Variants in COL27A1 observed in about 807,000 individuals in gnomAD.
COL27A1 encodes the protein collagen alpha-1(XXVII) chain.
COL27A1 carries 106 observed loss-of-function variants against 251.3 expected under a neutral mutation model. That is an observed-to-expected ratio of 0.42 (90% CI 0.36 to 0.50). The LOEUF is 0.50. Among genes scored for constraint, COL27A1 ranks in the 20% least tolerant of loss-of-function variants. The probability of loss-of-function intolerance (pLI) is 0.00; values close to 1 mark genes in which losing one functional copy is unlikely to be tolerated. For missense variants in COL27A1, 2,325 were observed against 2,522.8 expected, an observed-to-expected ratio of 0.92 and a Z score of 1.68; for synonymous variants, 1,000 against 986.3, an observed-to-expected ratio of 1.01 and a Z score of -0.26.
At chr9:114,283,655 G>A (rs1220901488) in intron 39 of COL27A1, 54 bp from the exon 40 acceptor site, 74 of 1,543,360 alleles carry the variant, frequency 4.8e-5, no homozygotes, top group Non-Finnish European at 1.8e-6. Flanking sequence ...AGACTGCTGT[G>A]TCCCCGCTGT....
At chr9:114,175,217 C>T (rs1446651775) in intron 3 of COL27A1, among the ~76,000 whole-genome samples, 5 of 152,212 alleles carry the variant, frequency 3.3e-5, no homozygotes, top group African/African-American at 1.2e-4. Context: ...CCTCCACCTC[C>T]CCCAGGCAGG....
chr9:114,300,523 C>T, intron 50 of COL27A1, 102 bp from the exon 51 acceptor site: 1 of 922,024 alleles, frequency 1.1e-6, no homozygotes, highest in East Asian at 2.8e-5. Flanking sequence ...CCTCTCTTGA[C>T]AAGAAGGGCA....
At chr9:114,278,451 ACT>A (rs1564562735) in intron 37 of COL27A1, among the ~76,000 whole-genome samples, 4 of 4,710 alleles carry the variant, frequency 8.5e-4, no homozygotes, top group Non-Finnish European at 2.6e-3. Flanking sequence ...ATGATGGGGC[ACT>A]GATGATGGTG....
At chr9:114,211,525 G>A (rs1325226712) in intron 12 of COL27A1, among the ~76,000 whole-genome samples, 1 of 152,252 alleles carries the variant, frequency 6.6e-6, no homozygotes, top group African/African-American at 2.4e-5. Context: ...GGGCTCAGCG[G>A]TGACCCCCAA....
chr9:114,237,148 T>C, intron 18 of COL27A1, 114 bp downstream of exon 18: 1 of 1,036,280 alleles, frequency 9.6e-7, no homozygotes. Flanking sequence ...GCAGAGCTCC[T>C]GGGGGCAAGC....
intron 36 of COL27A1, chr9:114,271,938 AGCGAGAGCACCCCCTGTCTGTCATCT>A (rs1247636177): frequency 6.6e-6 from 1 of 151,938 alleles, no homozygotes; most frequent in Non-Finnish European, 1.5e-5. Context: ...TTCTTGCAAG[AGCGAGAGCACCCCCTGTCTGTCATCT>A]GCCTGACTCC....
At chr9:114,190,815 G>C (rs930522767) in intron 5 of COL27A1, among the ~76,000 whole-genome samples, 1 of 152,228 alleles carries the variant, frequency 6.6e-6, no homozygotes, top group African/African-American at 2.4e-5. Context: ...CTTGCTCAAG[G>C]TCACACAGGC....
intron 36 of COL27A1, chr9:114,273,676 A>T (rs1835298759): frequency 6.6e-6 from 1 of 152,102 alleles, no homozygotes; most frequent in Non-Finnish European, 1.5e-5. Context: ...GCACTGGGGG[A>T]CAGAACTGGT....
At chr9:114,200,457 A>G (rs2135273784) in intron 7 of COL27A1, among the ~76,000 whole-genome samples, 1 of 152,352 alleles carries the variant, frequency 6.6e-6, no homozygotes, top group Non-Finnish European at 1.5e-5. Flanking sequence ...GCCTAACACA[A>G]GGTCTTGGTC....
chr9:114,231,271 G>A (rs960851369), intron 15 of COL27A1, 139 bp downstream of exon 15: 7 of 792,586 alleles, frequency 8.8e-6, no homozygotes, highest in Admixed American at 2.3e-5. Flanking sequence ...GTGCTAGGAG[G>A]AAGCTGGGCA....
chr9:114,287,839 G>GAA (rs1161628940), intron 41 of COL27A1, among the ~76,000 whole-genome samples: 4 of 152,190 alleles, frequency 2.6e-5, no homozygotes, highest in East Asian at 1.9e-4. Context: ...GGTTGAGGGT[G>GAA]AAAACTCTGA....
intron 23 of COL27A1, among the ~76,000 whole-genome samples, chr9:114,243,887 G>T (rs1038856589): frequency 6.6e-6 from 1 of 150,672 alleles, no homozygotes; most frequent in Admixed American, 6.6e-5. Context: ...TGAGCCTGTG[G>T]CAGGGGCTGG....
intron 21 of COL27A1, among the ~76,000 whole-genome samples, chr9:114,241,501 T>G (rs1246769312): frequency 6.6e-6 from 1 of 152,174 alleles, no homozygotes; most frequent in Admixed American, 6.5e-5. Flanking sequence ...GGAGGCTGCC[T>G]GAGCCTGTGG....
intron 38 of COL27A1, 56 bp downstream of exon 38, chr9:114,282,386 C>T: frequency 6.2e-7 from 1 of 1,609,894 alleles, no homozygotes; most frequent in Non-Finnish European, 8.5e-7. Context: ...ATCCCTTCCC[C>T]ACATCCCTCC....
At chr9:114,176,634 C>T (rs1827468924) in intron 3 of COL27A1, among the ~76,000 whole-genome samples, 1 of 152,082 alleles carries the variant, frequency 6.6e-6, no homozygotes, top group South Asian at 2.1e-4. Context: ...GTAAGACTGG[C>T]ACCCAGAGTC....
In COL27A1 at chr9:114,244,764, T is replaced by G. The variant is rs143613647; in HGVS notation, c.2935-1102T>G. ...TAGCCCGAGCCCATGTCCTGCCGTC[T>G]GAGGTTTCGGCCTCTCTCCCTCAGA... On this transcript the variant is annotated intron_variant, in intron 23 of 60. Transcript: ENST00000356083. Among the ~76,000 whole-genome samples, 37 of 152,336 alleles carry G rather than the reference T, an allele frequency of 2.4e-4. 1 individual carries two copies. The East Asian group carries it at 6.9e-3, about 29-fold the overall frequency.
intron 7 of COL27A1, among the ~76,000 whole-genome samples, chr9:114,197,479 C>T (rs1829229250): frequency 6.6e-6 from 1 of 152,204 alleles, no homozygotes; most frequent in African/African-American, 2.4e-5. Context: ...TCTCTGGGCT[C>T]TAGCGCTTTC....
rs777285842 is a variant in COL27A1, at chr9:114,306,500, C to G, written c.4939-20C>G. On this transcript the variant is annotated intron_variant, in intron 57 of 60. Coordinates refer to ENST00000356083, the MANE Select transcript of COL27A1 (RefSeq NM_032888.4). The stretch of plus-strand genomic sequence containing the variant: ...GACCAGGACCCTAAGGTCCCAATGA[C>G]CACCCTCTCCTCGTGACAGAGTTAC... 6.2e-7 allele frequency: 1 copy of G among 1,612,852 alleles called. No homozygotes were observed. The highest frequency in any genetic ancestry group is 8.5e-7 in the Non-Finnish European group (1 of 1,179,612).
intron 24 of COL27A1, among the ~76,000 whole-genome samples, chr9:114,249,673 C>T (rs1302330472): frequency 6.6e-6 from 1 of 152,224 alleles, no homozygotes; most frequent in African/African-American, 2.4e-5. Flanking sequence ...TGACTGAGTA[C>T]ACAAACTCTG....
Sources: gnomAD v4.1 joint callset for allele counts (sites outside exome capture counted in the v4.1 genomes callset) on GRCh38, gnomAD v4.1.1 for gene constraint, MANE v1.5 for transcripts, NCBI Gene and HGNC (gene_info 2026-07-23, HGNC 2026-07-21) for gene names.